Variants in IL17RC observed in about 807,000 individuals in gnomAD.
IL17RC encodes the protein interleukin-17 receptor C.
Under a neutral mutation model 86.7 loss-of-function variants are expected in IL17RC, and 53 were observed. The ratio of observed to expected loss-of-function variants is 0.61; its 90% CI spans 0.49 to 0.77. The LOEUF (loss-of-function observed/expected upper bound fraction) is 0.77, where lower values mean the gene tolerates loss of function less well. IL17RC is among the 30% of genes least tolerant of loss of function. The pLI is 0.00. For synonymous variants in IL17RC, 439 were observed against 413.1 expected (o/e 1.06, Z -0.76); for missense variants, 957 against 940.0 (o/e 1.02, Z -0.24).
chr3:9,919,478 A>C (rs1575527271), intron 5 of IL17RC, among the ~76,000 whole-genome samples: 1 of 151,480 alleles, frequency 6.6e-6, no homozygotes, highest in Non-Finnish European at 1.5e-5. Context: ...CCCTGCCTCC[A>C]CTAAAAAAAT....
Position 9,933,460 on chromosome 3 carries a change from T to A in IL17RC, c.2030T>A (p.Leu677His), listed in dbSNP as rs1347213510. The change falls in exon 19 of 19, where the codon CTC (leucine) becomes CAC (histidine). Residue 677 changes from leucine (L) to histidine (H), a missense_variant. By Grantham distance (99) the Leu-to-His change is moderately conservative. Coordinates refer to ENST00000403601, the MANE Select transcript of IL17RC (RefSeq NM_153460.4). ...QQPRAPRSGR[L>H]QERAEQVSRA... ...CCTCGCGCCCCGCGTTCCGGGCGGC[T>A]CCAAGAGAGAGCGGAGCAAGTGTCC... 6.2e-7 allele frequency: 1 copy of A among 1,612,858 alleles called. No individual in the cohort carries two copies. The highest frequency in any genetic ancestry group is 8.5e-7 in the Non-Finnish European group (1 of 1,179,754).
chr3:9,929,547 T>C (rs2084454751), intron 12 of IL17RC: 1 of 423,892 alleles, frequency 2.4e-6, no homozygotes, highest in African/African-American at 2.0e-5. Context: ...TTGCAATTTT[T>C]AGCAGGGTGG....
chr3:9,931,350 G>C (rs1427421573), intron 16 of IL17RC, among the ~76,000 whole-genome samples: 2 of 151,610 alleles, frequency 1.3e-5, no homozygotes, highest in Non-Finnish European at 2.9e-5. Flanking sequence ...ACAGGGTCTT[G>C]GACAGGCAGG....
At chr3:9,919,571 G>A (rs1309591488) in intron 5 of IL17RC, among the ~76,000 whole-genome samples, 4 of 152,032 alleles carry the variant, frequency 2.6e-5, no homozygotes, top group Admixed American at 6.6e-5. Context: ...GCGTGAACCC[G>A]GGAGGTGGAG....
At position 9,932,987 on chromosome 3, in the gene IL17RC, C is replaced by G. The variant is rs1270752508; in HGVS notation, c.1557C>G (p.Tyr519Ter). ...GGGGCCGCGCGGCTCTGCTCCTCTA[C>G]TCAGCCGATGACTCGGGTTTCGAGC... Reference protein sequence around the residue: ...AARGRAALLLYSADDSGFERL... With the variant: ...AARGRAALLL Residue 519 changes from tyrosine to a stop codon, truncating the protein, a stop_gained, in exon 19 of 19, where the codon TAC becomes TAG. Coordinates refer to ENST00000403601, the MANE Select transcript of IL17RC (RefSeq NM_153460.4). LOFTEE classifies it low-confidence loss of function (END_TRUNC). 1 of 1,590,818 alleles carries G rather than the reference C, an allele frequency of 6.3e-7. No homozygotes were observed. Among genetic ancestry groups the G allele is most frequent in the Admixed American group, 1.8e-5 (1 of 54,468 alleles).
chr3:9,931,570 G>A (rs529380241), intron 16 of IL17RC, among the ~76,000 whole-genome samples: 113 of 150,824 alleles, frequency 7.5e-4, no homozygotes, highest in Non-Finnish European at 1.3e-3. Flanking sequence ...GCAATGGCGC[G>A]ATCTCGGCTA....
rs776010613 is a variant in IL17RC at position 9,930,143 on chromosome 3, C to T, written c.1272C>T (p.Ala424=). 10 of 1,614,080 alleles carry T rather than the reference C, an allele frequency of 6.2e-6. No homozygotes were observed. In the Admixed American group the frequency reaches 1.3e-4, roughly 22 times the overall value. ...PSGCTSLPSK[A]STRAARLGEY... Reference sequence around the variant, plus strand: ...GCTGTACTTCACTACCCAGCAAAGCCTCCACGGTTAGGACTGGGCGACCCT... The same window carrying T: ...GCTGTACTTCACTACCCAGCAAAGCTTCCACGGTTAGGACTGGGCGACCCT... The change falls in exon 14 of 19, where the codon GCC becomes GCT. Residue 424 remains alanine (A), a synonymous_variant. Transcript: ENST00000403601. The surrounding 1 kb of genome is among the most constrained non-coding windows in gnomAD (Gnocchi z 5.8).
At chr3:9,918,456 C>T in intron 4 of IL17RC, 44 bp from the exon 5 acceptor site, 1 of 1,607,588 alleles carries the variant, frequency 6.2e-7, no homozygotes, top group East Asian at 2.2e-5. Flanking sequence ...AAGGCCTGGC[C>T]TGCCGCTCCT....
At chr3:9,928,243 G>C (rs2084287226) in intron 10 of IL17RC, 23 bp downstream of exon 10, 1 of 1,574,716 alleles carries the variant, frequency 6.4e-7, no homozygotes, top group South Asian at 1.1e-5. Context: ...GCCTGGGGCT[G>C]GGGTTGGGGT....
At position 9,933,060 on chromosome 3, in the gene IL17RC, G is replaced by C; in HGVS notation, c.1630G>C (p.Val544Leu). Reference sequence around the variant, plus strand: ...GGCCCTGTGCCAGCTGCCGCTGCGCGTGGCCGTAGACCTGTGGAGCCGTCG... The same window carrying C: ...GGCCCTGTGCCAGCTGCCGCTGCGCCTGGCCGTAGACCTGTGGAGCCGTCG... ...ASALCQLPLR[V>L]AVDLWSRREL... The change falls in exon 19 of 19, where the codon GTG (valine) becomes CTG (leucine). Residue 544 changes from valine (V) to leucine (L), a missense_variant. Coordinates refer to ENST00000403601, the MANE Select transcript of IL17RC (RefSeq NM_153460.4). The C allele has an allele frequency of 6.5e-7, 1 of 1,546,992 alleles. No individual in the cohort carries two copies. Among genetic ancestry groups the C allele is most frequent in the South Asian group, 1.2e-5 (1 of 81,310 alleles).
In IL17RC at chr3:9,930,884, G is replaced by C. The variant is rs2125282419; in HGVS notation, c.1339-11G>C. 6.2e-7 allele frequency: 1 copy of C among 1,613,790 alleles called. No individual in the cohort carries two copies. The highest frequency in any genetic ancestry group is 8.5e-7 in the Non-Finnish European group (1 of 1,179,648). On this transcript the variant is annotated splice_polypyrimidine_tract_variant and intron_variant, in intron 15 of 18. Coordinates refer to ENST00000403601, the MANE Select transcript of IL17RC (RefSeq NM_153460.4). This position sits in a 1 kb window ranked among gnomAD's most constrained non-coding sequence, Gnocchi z 5.8. ...TGGTGCCCTGGATTTGGTTCTGTTTGTATCTTACAGCTATGGGACGATGAC... is the reference window on the plus strand; with the variant it reads ...TGGTGCCCTGGATTTGGTTCTGTTTCTATCTTACAGCTATGGGACGATGAC...
rs140952032 is a variant in IL17RC, at chr3:9,923,945, G to A, written c.687G>A (p.Glu229=). The change falls in exon 8 of 19, where the codon GAG becomes GAA. Residue 229 remains glutamate, a synonymous_variant. Transcript: ENST00000403601. ...DNVHLVLNVS[E]EQHFGLSLYW... ...TGCATCTGGTTCTGAATGTCTCTGA[G>A]GAGCAGCACTTCGGCCTCTCCCTGT... is the stretch of plus-strand genomic sequence containing the variant. 7.4e-5 allele frequency: 120 copies of A among 1,614,206 alleles called. No individual in the cohort carries two copies. Among genetic ancestry groups the A allele is most frequent in the Non-Finnish European group, 9.7e-5 (115 of 1,180,046 alleles).
At chr3:9,918,474 A>G (rs2083288927) in intron 4 of IL17RC, 26 bp from the exon 5 acceptor site, 10 of 1,610,392 alleles carry the variant, frequency 6.2e-6, no homozygotes, top group African/African-American at 2.7e-5. Flanking sequence ...CCTGGGCCTG[A>G]CTGACCCCTG....
Position 9,928,365 on chromosome 3 carries a change from G to T in IL17RC, c.938G>T (p.Ser313Ile). The T allele has an allele frequency of 6.2e-7, 1 of 1,605,774 alleles. No individual in the cohort carries two copies. The highest frequency in any genetic ancestry group is 8.5e-7 in the Non-Finnish European group (1 of 1,174,940). ...CGACTGCAACTGCTGACCCTGCAGA[G>T]CTGGCTGCTGGACGCACCGTGCTCG... ...AARLQLLTLQ[S>I]WLLDAPCSLP... Residue 313 changes from serine to isoleucine, a missense_variant, in exon 11 of 19, where the codon AGC becomes ATC. Coordinates refer to ENST00000403601, the MANE Select transcript of IL17RC (RefSeq NM_153460.4).
chr3:9,922,116 C>T (rs1211338707), intron 7 of IL17RC, among the ~76,000 whole-genome samples: 3 of 151,754 alleles, frequency 2.0e-5, no homozygotes, highest in Non-Finnish European at 4.4e-5. Flanking sequence ...CCACGCACAG[C>T]TAATTTTTGT....
chr3:9,932,552 A>G, intron 16 of IL17RC, 56 bp from the exon 17 acceptor site: 1 of 1,476,052 alleles, frequency 6.8e-7, no homozygotes, highest in African/African-American at 1.4e-5. Context: ...GTTAAGTCTC[A>G]GTTTTTCTTC....
intron 12 of IL17RC, chr3:9,929,125 T>G (rs997827795): frequency 6.4e-6 from 1 of 155,536 alleles, no homozygotes; most frequent in Non-Finnish European, 1.4e-5. Context: ...CCATCCTGGC[T>G]AACATGGTGA....
intron 12 of IL17RC, 114 bp downstream of exon 12, chr3:9,928,744 G>A (rs2084356712): frequency 9.0e-6 from 10 of 1,108,030 alleles, no homozygotes; most frequent in Admixed American, 2.0e-5. Flanking sequence ...CTTCCTCTAT[G>A]GGAGTTCCAC....
At position 9,919,861 on chromosome 3, in the gene IL17RC, A is replaced by C. The variant is rs138467739; in HGVS notation, c.466-630A>C. ...GAGGGGAGGTCTGTGGGCTGGATGCACTTCTCTGTACTCTTGGACCAAAGA... is the reference window on the plus strand; with the variant it reads ...GAGGGGAGGTCTGTGGGCTGGATGCCCTTCTCTGTACTCTTGGACCAAAGA... On this transcript the variant is annotated intron_variant, in intron 5 of 18. Transcript: ENST00000403601. Among the ~76,000 whole-genome samples, 521 of 152,106 alleles carry C rather than the reference A, an allele frequency of 3.4e-3. 1 individual carries two copies. The highest frequency in any genetic ancestry group is 0.011 in the African/African-American group (472 of 41,444).
Sources: allele counts gnomAD v4.1 joint callset (sites outside exome capture counted in the v4.1 genomes callset), GRCh38; gene constraint gnomAD v4.1.1; non-coding constraint Gnocchi (gnomAD v3.1); transcripts MANE v1.5; gene names NCBI Gene and HGNC (gene_info 2026-07-23, HGNC 2026-07-21).